OSMR: variants seen among roughly 807,000 people sequenced by gnomAD.
OSMR encodes oncostatin-M-specific receptor subunit beta.
Under a neutral mutation model 99.9 loss-of-function variants are expected in OSMR, and 81 were observed. The ratio of observed to expected loss-of-function variants is 0.81; its 90% confidence interval spans 0.68 to 0.97. The LOEUF (loss-of-function observed/expected upper bound fraction) is 0.97. Ranked by LOEUF, OSMR falls within the 50% of genes least tolerant of loss-of-function variation. The pLI is 0.00. For synonymous variants in OSMR, 406 were observed against 410.4 expected (o/e 0.99, Z 0.13); for missense variants, 1,099 against 1,153.4 (o/e 0.95, Z 0.68).
In OSMR at chr5:38,919,045, C is replaced by G. The variant is rs1211542062; in HGVS notation, c.1568C>G (p.Ser523Cys). The G allele has an allele frequency of 1.9e-6, 3 of 1,613,916 alleles. No homozygotes were observed. The African/African-American group carries it at 4.0e-5, about 22-fold the overall frequency. Reference protein sequence around the residue: ...GASPASVIVISADPENKEVEE... With the variant: ...GASPASVIVICADPENKEVEE... ...TCTCCTGCTTCTGTAATAGTCATCT[C>G]TGCAGACCCCGAAAACAGTGAGTTT... The change falls in exon 11 of 18, where the codon TCT (serine) becomes TGT (cysteine). Residue 523 changes from serine (S) to cysteine (C), a missense_variant. Transcript: ENST00000274276.
intron 1 of OSMR, among the ~76,000 whole-genome samples, chr5:38,858,549 G>A (rs1274233297): frequency 6.6e-6 from 1 of 152,070 alleles, no homozygotes; most frequent in East Asian, 1.9e-4. Flanking sequence ...CTTTGCTATT[G>A]TGAATAGCGC....
downstream of OSMR, chr5:38,935,716 C>CTT (rs1746988549): frequency 6.6e-6 from 1 of 152,122 alleles, no homozygotes; most frequent in Admixed American, 6.5e-5. Flanking sequence ...ACCTCATGAA[C>CTT]TTACTAAATA....
At chr5:38,919,312 G>A in intron 11 of OSMR, 2 of 1,458,950 alleles carry the variant, frequency 1.4e-6, no homozygotes, top group Non-Finnish European at 1.8e-6. Flanking sequence ...ACATACATGG[G>A]AAATTATCTC....
In OSMR at chr5:38,933,310, CCAG is replaced by C. The variant is rs756921970; in HGVS notation, c.2807_2809del (p.Pro936_Val937delinsLeu). ...AGACAAGGACAGTCTCCCAACAAAC[CCAG>C]TAGAGGCACCACACTGTTCAGAGTA... On this transcript the variant is annotated inframe_deletion, in exon 18 of 18. Coordinates refer to ENST00000274276, the MANE Select transcript of OSMR (RefSeq NM_003999.3). The C allele has an allele frequency of 6.2e-7, 1 of 1,614,134 alleles. No homozygotes were observed. Among genetic ancestry groups the C allele is most frequent in the South Asian group, 1.1e-5 (1 of 91,074 alleles).
chr5:38,944,200 G>C, intron 1 of OSMR: 1 of 572,352 alleles, frequency 1.7e-6, no homozygotes, highest in Non-Finnish European at 3.3e-6. Flanking sequence ...ATTTTTTGCA[G>C]ATCTCTTCAA....
At position 38,904,507 on chromosome 5, in the gene OSMR, T is replaced by G. The variant is rs1745104983; in HGVS notation, c.1285+4T>G. ...AACTTCACCACACTTGAAGCTGGTA[T>G]GTTCAGCCCCTGGCATTTAACCCAA... On this transcript the variant is annotated splice_donor_region_variant and intron_variant, in intron 9 of 17. Coordinates refer to ENST00000274276, the MANE Select transcript of OSMR (RefSeq NM_003999.3). 6.2e-7 allele frequency: 1 copy of G among 1,614,160 alleles called. No individual in the cohort carries two copies. The highest frequency in any genetic ancestry group is 8.5e-7 in the Non-Finnish European group (1 of 1,180,034).
chr5:38,937,326 C>T (rs547389874), downstream of OSMR, among the ~76,000 whole-genome samples: 5 of 152,370 alleles, frequency 3.3e-5, no homozygotes, highest in African/African-American at 1.2e-4. This position sits in a 1 kb window ranked among gnomAD's most constrained non-coding sequence, Gnocchi z 4.0. Context: ...AGCCACCGCG[C>T]CCGGCCAAGA....
chr5:38,896,876 T>A (rs1285354526), intron 7 of OSMR, among the ~76,000 whole-genome samples: 1 of 152,152 alleles, frequency 6.6e-6, no homozygotes, highest in Non-Finnish European at 1.5e-5. Context: ...TTGAATTTCA[T>A]CAAATGCTTT....
intron 9 of OSMR, among the ~76,000 whole-genome samples, chr5:38,913,719 C>CTTTGCATGT (rs1211032944): frequency 3.3e-5 from 5 of 152,098 alleles, no homozygotes; most frequent in Admixed American, 6.6e-5. Flanking sequence ...TTTTAAAAAT[C>CTTTGCATGT]TTTGCATGTT....
At chr5:38,885,607 C>A in intron 6 of OSMR, 123 bp downstream of exon 6, 1 of 1,310,834 alleles carries the variant, frequency 7.6e-7, no homozygotes. Context: ...GAACCACCTG[C>A]CAAGGTCAAG....
intron 1 of OSMR, among the ~76,000 whole-genome samples, chr5:38,866,806 G>A (rs1741985805): frequency 6.6e-6 from 1 of 152,164 alleles, no homozygotes; most frequent in African/African-American, 2.4e-5. Context: ...TAGTCTCAGG[G>A]CTGGCAAGGG....
chr5:38,862,876 T>G (rs556823236), intron 1 of OSMR, among the ~76,000 whole-genome samples: 20 of 151,942 alleles, frequency 1.3e-4, no homozygotes, highest in Admixed American at 1.2e-3. Flanking sequence ...TGGGCACCAT[T>G]GAGCACTGAG....
chr5:38,943,179 T>C (rs1747790575), intron 1 of OSMR: 2 of 441,364 alleles, frequency 4.5e-6, no homozygotes. Context: ...AAAAAAATGA[T>C]TATCAAAACC....
intron 5 of OSMR, among the ~76,000 whole-genome samples, chr5:38,884,434 G>C (rs944346615): frequency 6.6e-6 from 1 of 152,156 alleles, no homozygotes; most frequent in African/African-American, 2.4e-5. Context: ...CATGGAGGGA[G>C]GGTAGGAGCT....
At chr5:38,861,139 T>C (rs1395175441) in intron 1 of OSMR, among the ~76,000 whole-genome samples, 1 of 152,222 alleles carries the variant, frequency 6.6e-6, no homozygotes, top group Admixed American at 6.5e-5. Flanking sequence ...TTGAAATTTT[T>C]ATTGATCATT....
At chr5:38,890,982 G>A (rs74860242) in intron 7 of OSMR, among the ~76,000 whole-genome samples, 9,938 of 152,220 alleles carry the variant, frequency 0.065, 422 homozygotes, top group South Asian at 0.17. Flanking sequence ...CAGACCAAAT[G>A]AATCCTATAA....
chr5:38,939,266 G>A (rs1465993974), downstream of OSMR: 3 of 232,546 alleles, frequency 1.3e-5, no homozygotes, highest in East Asian at 6.1e-5. Context: ...GAAAAACTCA[G>A]CTTGAATTAT....
chr5:38,847,935 T>TC (rs1364209595), intron 1 of OSMR, among the ~76,000 whole-genome samples: 7 of 152,230 alleles, frequency 4.6e-5, no homozygotes, highest in African/African-American at 1.7e-4. Context: ...ACTGGTTCTT[T>TC]CCCCCTCTAC....
intron 12 of OSMR, among the ~76,000 whole-genome samples, chr5:38,922,827 G>A (rs1245465141): frequency 6.6e-6 from 1 of 152,184 alleles, no homozygotes; most frequent in African/African-American, 2.4e-5. Context: ...CCAGGCTGGA[G>A]TGCAGTGGCT....
Sources: gnomAD v4.1 joint callset for allele counts (sites outside exome capture counted in the v4.1 genomes callset) on GRCh38, gnomAD v4.1.1 for gene constraint, Gnocchi (gnomAD v3.1) non-coding constraint, MANE v1.5 for transcripts, NCBI Gene and HGNC (gene_info 2026-07-23, HGNC 2026-07-21) for gene names.